KHDRBS2: variants seen among roughly 807,000 people sequenced by gnomAD.
KHDRBS2 encodes the protein KH RNA binding domain containing, signal transduction associated 2.
Under a neutral mutation model 44.3 loss-of-function variants are expected in KHDRBS2, and 26 were observed. The observed-to-expected ratio is 0.59, with a 90% CI of 0.43 to 0.81. The LOEUF is 0.81. KHDRBS2 is among the 40% of genes least tolerant of loss of function. The pLI, the probability that KHDRBS2 is intolerant of heterozygous loss-of-function variation, is 0.00. For missense variants in KHDRBS2, 476 were observed against 433.1 expected (o/e 1.10, Z -0.88); for synonymous variants, 194 against 151.1 (o/e 1.28, Z -2.08).
the KHDRBS2 span, among the ~76,000 whole-genome samples, chr6:61,657,757 GC>G: frequency 3.4e-4 from 51 of 152,016 alleles, 1 homozygote; most frequent in Non-Finnish European, 6.2e-4. Flanking sequence ...GAACTCTCCT[GC>G]TGTTAAAAAG....
intron 6 of KHDRBS2, among the ~76,000 whole-genome samples, chr6:61,770,963 G>A (rs1328958124): frequency 6.6e-6 from 1 of 152,192 alleles, no homozygotes; most frequent in African/African-American, 2.4e-5. Context: ...ACAAAGGGAA[G>A]CCCATCAGAC....
At chr6:62,246,511 C>T (rs1306347532) in intron 1 of KHDRBS2, among the ~76,000 whole-genome samples, 4 of 151,944 alleles carry the variant, frequency 2.6e-5, no homozygotes, top group African/African-American at 4.8e-5. Context: ...TTGCAGTGTA[C>T]AGCTCACAAA....
chr6:61,560,166 C>T, the KHDRBS2 span, among the ~76,000 whole-genome samples: 4 of 152,136 alleles, frequency 2.6e-5, no homozygotes, highest in Non-Finnish European at 5.9e-5. Flanking sequence ...GAAAAGTTTG[C>T]TGTTAGACAT....
the KHDRBS2 span, among the ~76,000 whole-genome samples, chr6:61,542,969 A>G: frequency 6.6e-6 from 1 of 152,022 alleles, no homozygotes; most frequent in African/African-American, 2.4e-5. Flanking sequence ...TAAGCTGATT[A>G]GGATAGAACA....
downstream of KHDRBS2, among the ~76,000 whole-genome samples, chr6:61,678,541 C>T (rs1173540016): frequency 6.6e-6 from 1 of 151,912 alleles, no homozygotes; most frequent in Non-Finnish European, 1.5e-5. Flanking sequence ...ATTGTGAGTT[C>T]CTTCTCCTAT....
intron 6 of KHDRBS2, among the ~76,000 whole-genome samples, chr6:61,824,075 C>G (rs901155998): frequency 4.5e-4 from 69 of 152,008 alleles, no homozygotes; most frequent in African/African-American, 1.6e-3. Context: ...TTTAAAAGTT[C>G]AAAGAGTATT....
At chr6:61,817,018 G>C (rs1190826718) in intron 6 of KHDRBS2, 1 of 455,702 alleles carries the variant, frequency 2.2e-6, no homozygotes, top group Non-Finnish European at 4.4e-6. Flanking sequence ...GAAACATTAA[G>C]GAGAGGTACA....
At chr6:61,887,638 T>G (rs1801164997) in intron 6 of KHDRBS2, among the ~76,000 whole-genome samples, 1 of 152,194 alleles carries the variant, frequency 6.6e-6, no homozygotes, top group South Asian at 2.1e-4. Flanking sequence ...AATTTAATGC[T>G]GAGGCTCAGC....
chr6:62,276,512 A>G (rs375770364), intron 1 of KHDRBS2, among the ~76,000 whole-genome samples: 2 of 152,154 alleles, frequency 1.3e-5, no homozygotes, highest in East Asian at 1.9e-4. Flanking sequence ...GAAGTCTGAA[A>G]TGTTCCCTCT....
chr6:62,169,391 T>C (rs1554451527), intron 2 of KHDRBS2, among the ~76,000 whole-genome samples: 2 of 151,826 alleles, frequency 1.3e-5, no homozygotes, highest in South Asian at 2.1e-4. Flanking sequence ...GGCTTAACTA[T>C]CAAGAAATAA....
At chr6:62,127,987 A>T (rs549996978) in intron 2 of KHDRBS2, among the ~76,000 whole-genome samples, 1 of 152,284 alleles carries the variant, frequency 6.6e-6, no homozygotes, top group South Asian at 2.1e-4. Context: ...AAACAAGAGT[A>T]CCTGTCTTAC....
chr6:62,169,129 A>G lies in KHDRBS2; in HGVS notation c.219+8056T>C, dbSNP rs570300612. 3.8e-3 allele frequency among the ~76,000 whole-genome samples: 489 copies of G among 127,668 alleles called. 4 individuals carry two copies. The highest frequency in any genetic ancestry group is 0.012 in the Middle Eastern group (3 of 250). 83.8% of individuals were successfully genotyped at this position (127,668 alleles called of 152,430 possible). Reference sequence around the variant, plus strand: ...TACACATATATGTGTGTATATATACATATACACACATATATGTGTGTATAT... The same window carrying G: ...TACACATATATGTGTGTATATATACGTATACACACATATATGTGTGTATAT... On this transcript the variant is annotated intron_variant, in intron 2 of 8. Transcript: ENST00000281156.
chr6:62,148,669 G>A (rs569754262), intron 2 of KHDRBS2, among the ~76,000 whole-genome samples: 9 of 151,726 alleles, frequency 5.9e-5, no homozygotes, highest in East Asian at 1.9e-4. Flanking sequence ...ATTTGCTCAC[G>A]AAAAAAATCC....
the KHDRBS2 span, among the ~76,000 whole-genome samples, chr6:61,590,198 C>G: frequency 2.0e-5 from 3 of 152,012 alleles, no homozygotes; most frequent in Admixed American, 2.0e-4. Flanking sequence ...AAATAAGTTG[C>G]AATAATGAAA....
chr6:61,954,943 T>A (rs1243344636), intron 4 of KHDRBS2, among the ~76,000 whole-genome samples: 1 of 69,432 alleles, frequency 1.4e-5, no homozygotes, highest in Non-Finnish European at 4.1e-5. Context: ...CATATGTATG[T>A]GTATACATAT....
intron 1 of KHDRBS2, among the ~76,000 whole-genome samples, chr6:62,180,319 T>C (rs1470417325): frequency 6.6e-6 from 1 of 151,894 alleles, no homozygotes; most frequent in African/African-American, 2.4e-5. Flanking sequence ...TAAAAACTAT[T>C]AGAACTAATA....
chr6:62,137,666 T>A (rs968485422), intron 2 of KHDRBS2, among the ~76,000 whole-genome samples: 34 of 152,086 alleles, frequency 2.2e-4, no homozygotes, highest in African/African-American at 8.2e-4. Flanking sequence ...GACTATAAAA[T>A]CCCAGGGTAC....
At chr6:62,065,302 T>C (rs1793318910) in intron 2 of KHDRBS2, among the ~76,000 whole-genome samples, 1 of 152,070 alleles carries the variant, frequency 6.6e-6, no homozygotes, top group Non-Finnish European at 1.5e-5. Flanking sequence ...CAAATGACTA[T>C]AAATCATGCT....
At chr6:61,750,134 A>G (rs1777453048) in intron 6 of KHDRBS2, among the ~76,000 whole-genome samples, 1 of 152,202 alleles carries the variant, frequency 6.6e-6, no homozygotes, top group Non-Finnish European at 1.5e-5. Context: ...CCAACAAGAT[A>G]ACATTCTTAA....
Sources: allele counts gnomAD v4.1 joint callset (sites outside exome capture counted in the v4.1 genomes callset), GRCh38; gene constraint gnomAD v4.1.1; transcripts MANE v1.5; gene names NCBI Gene and HGNC (gene_info 2026-07-23, HGNC 2026-07-21).